RPH3A: variants seen among roughly 807,000 people sequenced by gnomAD.
RPH3A encodes the protein rabphilin-3A.
RPH3A carries 48 observed loss-of-function variants against 102.2 expected under a neutral mutation model. The ratio of observed to expected loss-of-function variants is 0.47; its 90% CI spans 0.37 to 0.60. The LOEUF is 0.60. Among genes scored for constraint, RPH3A ranks in the 20% least tolerant of loss-of-function variants. The pLI is 0.00. For missense variants in RPH3A, 781 were observed against 910.1 expected (o/e 0.86, Z 1.83); for synonymous variants, 310 against 324.3 (o/e 0.96, Z 0.47).
At chr12:112,660,124 TAAAC>T (rs1004865620) in intron 1 of RPH3A, among the ~76,000 whole-genome samples, 1 of 152,156 alleles carries the variant, frequency 6.6e-6, no homozygotes, top group Admixed American at 6.6e-5. Flanking sequence ...TATGCATTGA[TAAAC>T]AAATATATGC....
At chr12:112,888,676 A>G (rs1188832273) in intron 17 of RPH3A, among the ~76,000 whole-genome samples, 1 of 152,230 alleles carries the variant, frequency 6.6e-6, no homozygotes, top group Non-Finnish European at 1.5e-5. Context: ...TAGAACTGTC[A>G]TTGTTGTTGT....
At chr12:112,825,001 A>G (rs1157551955) in intron 2 of RPH3A, among the ~76,000 whole-genome samples, 1 of 151,540 alleles carries the variant, frequency 6.6e-6, no homozygotes, top group African/African-American at 2.4e-5. Flanking sequence ...TGAAACCTTC[A>G]GTTACAGTTT....
intron 5 of RPH3A, among the ~76,000 whole-genome samples, chr12:112,848,579 G>A (rs1468344096): frequency 1.6e-4 from 24 of 152,172 alleles, no homozygotes; most frequent in Admixed American, 1.5e-3. Context: ...TGTAAGTGTT[G>A]GGATGACACA....
At chr12:112,618,440 C>G (rs532355454) in intron 1 of RPH3A, among the ~76,000 whole-genome samples, 1 of 152,176 alleles carries the variant, frequency 6.6e-6, no homozygotes, top group South Asian at 2.1e-4. Flanking sequence ...TGACCCTCCC[C>G]CTTAGAAGGC....
At chr12:112,841,855 C>T in intron 4 of RPH3A, 2 of 448,162 alleles carry the variant, frequency 4.5e-6, no homozygotes, top group Non-Finnish European at 9.0e-6. Flanking sequence ...TCATTCCTGC[C>T]ACTTAAAGTC....
intron 1 of RPH3A, among the ~76,000 whole-genome samples, chr12:112,682,813 G>T (rs1287575146): frequency 6.6e-6 from 1 of 152,190 alleles, no homozygotes; most frequent in Non-Finnish European, 1.5e-5. Context: ...TTGATGGGCA[G>T]TTAACTGCCT....
intron 1 of RPH3A, among the ~76,000 whole-genome samples, chr12:112,743,246 A>G (rs1173400099): frequency 6.6e-6 from 1 of 152,234 alleles, no homozygotes; most frequent in Non-Finnish European, 1.5e-5. Context: ...GGGGAGGAGC[A>G]GCAGTATTCT....
chr12:112,619,958 T>A (rs1452918995), intron 1 of RPH3A, among the ~76,000 whole-genome samples: 1 of 152,194 alleles, frequency 6.6e-6, no homozygotes, highest in Non-Finnish European at 1.5e-5. Flanking sequence ...GCTAAATAGT[T>A]CACATAACTA....
intron 2 of RPH3A, among the ~76,000 whole-genome samples, chr12:112,823,405 T>C (rs777532767): frequency 2.6e-5 from 4 of 152,096 alleles, no homozygotes; most frequent in Non-Finnish European, 5.9e-5. Flanking sequence ...TACCTTGGAG[T>C]AGGATTGTAA....
chr12:112,635,488 G>C (rs931108839), intron 1 of RPH3A, among the ~76,000 whole-genome samples: 6 of 151,944 alleles, frequency 3.9e-5, no homozygotes, highest in African/African-American at 1.5e-4. Context: ...TTAGAATAGT[G>C]CCTGATGTAC....
intron 5 of RPH3A, among the ~76,000 whole-genome samples, chr12:112,848,810 G>A (rs1206341450): frequency 6.6e-6 from 1 of 152,122 alleles, no homozygotes; most frequent in Non-Finnish European, 1.5e-5. Context: ...TGGAGCTGGG[G>A]GACTGGGGAA....
chr12:112,712,879 T>TTTTTTCTTCTTCTTCTTCTTC (rs2040472924), intron 1 of RPH3A, among the ~76,000 whole-genome samples: 1 of 136,746 alleles, frequency 7.3e-6, no homozygotes. Flanking sequence ...CTCACTTTTT[T>TTTTTTCTTCTTCTTCTTCTTC]TTCTTCTTCT....
In RPH3A at chr12:112,845,514, C is replaced by G. The variant is rs1593073838; in HGVS notation, c.84-2182C>G. The stretch of plus-strand genomic sequence containing the variant: ...GGGAGGTACCTGTGCGAACAGGGGG[C>G]CCTGAAGCTTCATCTTCACCAGGAT... On this transcript the variant is annotated intron_variant, in intron 4 of 21. Coordinates refer to ENST00000389385, the MANE Select transcript of RPH3A (RefSeq NM_001143854.2). Among the ~76,000 whole-genome samples the G allele has an allele frequency of 3.9e-5, 6 of 152,286 alleles. No homozygotes were observed. In the South Asian group the frequency reaches 1.2e-3, roughly 32 times the overall value.
At chr12:112,776,747 G>A (rs191729834) in intron 1 of RPH3A, among the ~76,000 whole-genome samples, 248 of 151,730 alleles carry the variant, frequency 1.6e-3, no homozygotes, top group Middle Eastern at 6.8e-3. Flanking sequence ...GGTGGTGGGC[G>A]CCTGTAGTCT....
intron 1 of RPH3A, among the ~76,000 whole-genome samples, chr12:112,635,379 G>A (rs2039840602): frequency 6.6e-6 from 1 of 152,152 alleles, no homozygotes; most frequent in South Asian, 2.1e-4. Context: ...CACTTACAGG[G>A]TGTGTATTCT....
In RPH3A at chr12:112,655,494, C is replaced by T. The variant is rs530413080; in HGVS notation, c.-140+80175C>T. On this transcript the variant is annotated intron_variant, in intron 1 of 21. Transcript: ENST00000543106. ...GGTGCTGAGAGGGACCTTGTGTGTC[C>T]GGTCTTCAATCTAGGTCAATAGAAG... Among the ~76,000 whole-genome samples the T allele has an allele frequency of 1.1e-4, 17 of 150,568 alleles. No individual in the cohort carries two copies. The South Asian group carries it at 1.5e-3, about 13-fold the overall frequency.
Position 112,812,821 on chromosome 12 carries a change from G to T in RPH3A, c.-18-15480G>T, listed in dbSNP as rs939407961. ...TCTATGGTGCTGAACTACAGCTCTGGCCTTCTGATTTCTATCTCTTTGCAA... is the reference window on the plus strand; with the variant it reads ...TCTATGGTGCTGAACTACAGCTCTGTCCTTCTGATTTCTATCTCTTTGCAA... On this transcript the variant is annotated intron_variant, in intron 2 of 21. Transcript: ENST00000389385. 2.6e-5 allele frequency among the ~76,000 whole-genome samples: 4 copies of T among 152,160 alleles called. No homozygotes were observed. The East Asian group carries it at 7.7e-4, about 29-fold the overall frequency.
chr12:112,728,704 C>A (rs905384118), intron 1 of RPH3A, among the ~76,000 whole-genome samples: 1 of 151,974 alleles, frequency 6.6e-6, no homozygotes, highest in Non-Finnish European at 1.5e-5. Context: ...ATACACCAAA[C>A]AAAACAAATA....
At chr12:112,714,512 T>C (rs1031351529) in intron 1 of RPH3A, among the ~76,000 whole-genome samples, 4 of 152,222 alleles carry the variant, frequency 2.6e-5, no homozygotes, top group Admixed American at 2.6e-4. Flanking sequence ...CTCTGGGTTG[T>C]GCAGGGCTGA....
Sources: allele counts gnomAD v4.1 joint callset (sites outside exome capture counted in the v4.1 genomes callset), GRCh38; gene constraint gnomAD v4.1.1; transcripts MANE v1.5; gene names NCBI Gene and HGNC (gene_info 2026-07-23, HGNC 2026-07-21).